CRYBG3: variants seen among roughly 807,000 people sequenced by gnomAD.
CRYBG3 encodes crystallin beta-gamma domain containing 3, also known as very large A-kinase anchor protein.
In CRYBG3, 127 loss-of-function variants were observed where a neutral mutation model predicts 244.2. The observed-to-expected ratio is 0.52, with a 90% confidence interval of 0.45 to 0.60. The LOEUF (loss-of-function observed/expected upper bound fraction) is 0.60, where lower values mean the gene tolerates loss of function less well. Among genes scored for constraint, CRYBG3 ranks in the 20% least tolerant of loss-of-function variants. The pLI is 0.00. For missense variants in CRYBG3, 3,325 were observed against 3,442.5 expected, an observed-to-expected ratio of 0.97 and a Z score of 0.85; for synonymous variants, 1,132 against 1,195.8, an observed-to-expected ratio of 0.95 and a Z score of 1.10.
At chr3:97,841,788 G>T (rs180696636) in intron 1 of CRYBG3, among the ~76,000 whole-genome samples, 244 of 152,144 alleles carry the variant, frequency 1.6e-3, no homozygotes, top group African/African-American at 5.4e-3. Flanking sequence ...TTCATAACGG[G>T]TCAGCCCTGG....
In CRYBG3 at chr3:97,872,395, G is replaced by C; in HGVS notation, c.1201G>C (p.Val401Leu). ...KVPCSPDFQR[V>L]TTTENTIKEN... ...CCCTTGCAGCCCAGATTTTCAGAGAGTAACTACAACAGAAAATACGATAAA... is the reference window on the plus strand; with the variant it reads ...CCCTTGCAGCCCAGATTTTCAGAGACTAACTACAACAGAAAATACGATAAA... Residue 401 changes from valine to leucine, a missense_variant, in exon 4 of 22, where the codon GTA becomes CTA. Physicochemically the swap from Val to Leu is conservative, Grantham distance 32. Around this residue, in one of 4 missense-constraint regions of CRYBG3, gnomAD observed 1,526 missense variants for 1,443.2 expected, o/e 1.06. Coordinates refer to ENST00000389622, the MANE Select transcript of CRYBG3 (RefSeq NM_153605.4). 6.5e-7 allele frequency: 1 copy of C among 1,535,844 alleles called. No individual in the cohort carries two copies. The highest frequency in any genetic ancestry group is 8.7e-7 in the Non-Finnish European group (1 of 1,146,762).
rs1322272101 is a variant in CRYBG3 at position 97,833,155 on chromosome 3, C to T, written c.150-10040C>T. ...TTAACCATTGTGGAAGACAGTGTGG[C>T]GATTCCTCAAGGACCTAGAACTGGA... On this transcript the variant is annotated intron_variant, in intron 1 of 21. Transcript: ENST00000389622. 8.6e-5 allele frequency among the ~76,000 whole-genome samples: 13 copies of T among 152,040 alleles called. 1 individual carries two copies. Among genetic ancestry groups the T allele is most frequent in the Non-Finnish European group, 1.9e-4 (13 of 67,994 alleles).
chr3:97,943,524 A>AATATT lies in CRYBG3; in HGVS notation c.*213_*217dup. ...CATTACTCAGTGTTCCTATAAAGAA[A>AATATT]ATATTATGATATCTTGGAAAGGTTC... is the stretch of plus-strand genomic sequence containing the variant. On this transcript the variant is annotated 3_prime_UTR_variant, in exon 22 of 22. Coordinates refer to ENST00000389622, the MANE Select transcript of CRYBG3 (RefSeq NM_153605.4). The AATATT allele has an allele frequency of 2.0e-6, 1 of 509,640 alleles. No homozygotes were observed. The highest frequency in any genetic ancestry group is 3.4e-6 in the Non-Finnish European group (1 of 293,544). 31.6% of individuals were successfully genotyped at this position (509,640 alleles called of 1,614,324 possible).
At chr3:97,907,620 A>G (rs2039793911) in intron 15 of CRYBG3, among the ~76,000 whole-genome samples, 4 of 146,622 alleles carry the variant, frequency 2.7e-5, no homozygotes, top group African/African-American at 1.0e-4. Flanking sequence ...TATTGCGTCT[A>G]TTTGATTCTT....
At chr3:97,935,322 C>T (rs1049434728) in intron 18 of CRYBG3, among the ~76,000 whole-genome samples, 5 of 152,006 alleles carry the variant, frequency 3.3e-5, no homozygotes, top group Admixed American at 2.6e-4. Flanking sequence ...GAATCTGCAG[C>T]GGGAGAGGCA....
At position 97,824,697 on chromosome 3, in the gene CRYBG3, C is replaced by A. The variant is rs187097853; in HGVS notation, c.149+2342C>A. 2.6e-5 allele frequency among the ~76,000 whole-genome samples: 4 copies of A among 152,238 alleles called. No homozygotes were observed. The East Asian group carries it at 7.7e-4, about 29-fold the overall frequency. ...ATTAGCATCAACACTATTGTATATC[C>A]CAACTTAGGCGTAGGCACTCAAATT... is the stretch of plus-strand genomic sequence containing the variant. On this transcript the variant is annotated intron_variant, in intron 1 of 21. Transcript: ENST00000389622.
intron 15 of CRYBG3, among the ~76,000 whole-genome samples, chr3:97,906,764 C>CT (rs2039779369): frequency 3.3e-5 from 5 of 151,922 alleles, no homozygotes; most frequent in African/African-American, 1.2e-4. Context: ...TTGCCCTGGC[C>CT]AGAACTTCCA....
At chr3:97,928,842 T>C (rs549793318) in intron 17 of CRYBG3, among the ~76,000 whole-genome samples, 2 of 151,950 alleles carry the variant, frequency 1.3e-5, no homozygotes, top group Admixed American at 6.6e-5. Flanking sequence ...ATTTTAAAGC[T>C]TTTTGGATTT....
chr3:97,873,196 A>T lies in CRYBG3; in HGVS notation c.2002A>T (p.Lys668Ter). 2 of 1,535,962 alleles carry T rather than the reference A, an allele frequency of 1.3e-6. No individual in the cohort carries two copies. Among genetic ancestry groups the T allele is most frequent in the Non-Finnish European group, 1.7e-6 (2 of 1,146,794 alleles). Residue 668 changes from lysine (K) to a stop codon, truncating the protein, a stop_gained, in exon 4 of 22, where the codon AAG becomes TAG. Transcript: ENST00000389622. LOFTEE classifies it high-confidence loss of function. ...TGTTTCTGGAGTTGGGATGCTGAGCAAGTTGGATATTCCTGATTTAATGAA... is the reference window on the plus strand; with the variant it reads ...TGTTTCTGGAGTTGGGATGCTGAGCTAGTTGGATATTCCTGATTTAATGAA... ...TFVSGVGMLS[K>*]LDIPDLMNEG... is the part of the protein sequence containing the mutation.
At chr3:97,888,246 G>A in intron 8 of CRYBG3, 95 bp from the exon 9 acceptor site, 1 of 684,438 alleles carries the variant, frequency 1.5e-6, no homozygotes, top group Non-Finnish European at 2.5e-6. Context: ...CTGTGATGGA[G>A]GATTTTGTTT....
At chr3:97,833,359 T>A (rs1346688885) in intron 1 of CRYBG3, among the ~76,000 whole-genome samples, 15 of 152,134 alleles carry the variant, frequency 9.9e-5, no homozygotes, top group Non-Finnish European at 1.5e-5. Context: ...GTGGCACATA[T>A]ACACCGTGGA....
At chr3:97,929,321 G>A (rs2040073533) in intron 17 of CRYBG3, among the ~76,000 whole-genome samples, 1 of 151,692 alleles carries the variant, frequency 6.6e-6, no homozygotes, top group Admixed American at 6.6e-5. Context: ...GTCATCTTCA[G>A]TTTTAAAGAT....
At chr3:97,917,545 A>G (rs2039941170) in intron 17 of CRYBG3, among the ~76,000 whole-genome samples, 1 of 152,210 alleles carries the variant, frequency 6.6e-6, no homozygotes, top group South Asian at 2.1e-4. Flanking sequence ...ATATCCTACA[A>G]AGATCTGCAA....
rs780069838 is a variant in CRYBG3 at position 97,881,110 on chromosome 3, A to G, written c.7043A>G (p.Lys2348Arg). ...LYEKPHFRGQKCVLEEGEKVL... is the reference protein window; with the variant it reads ...LYEKPHFRGQRCVLEEGEKVL... ...GAGAAACCACATTTCCGAGGTCAGA[A>G]ATGTGTGCTAGAAGAAGGGGAAAAG... is the stretch of plus-strand genomic sequence containing the variant. Residue 2348 changes from lysine to arginine, a missense_variant, in exon 7 of 22, where the codon AAA becomes AGA. By Grantham distance (26) the Lys-to-Arg change is conservative. Coordinates refer to ENST00000389622, the MANE Select transcript of CRYBG3 (RefSeq NM_153605.4). The G allele has an allele frequency of 5.0e-6, 8 of 1,607,912 alleles. No homozygotes were observed. In the South Asian group the frequency reaches 9.0e-5, roughly 18 times the overall value.
intron 12 of CRYBG3, among the ~76,000 whole-genome samples, chr3:97,896,830 A>C (rs2039645805): frequency 6.6e-6 from 1 of 152,192 alleles, no homozygotes; most frequent in Non-Finnish European, 1.5e-5. Context: ...CACGGTCCCC[A>C]GTATTAATAG....
intron 6 of CRYBG3, among the ~76,000 whole-genome samples, chr3:97,880,724 G>A (rs1293780459): frequency 6.6e-6 from 1 of 152,184 alleles, no homozygotes; most frequent in African/African-American, 2.4e-5. Flanking sequence ...AAGAAAATTA[G>A]AAGTATAATT....
At position 97,871,957 on chromosome 3, in the gene CRYBG3, G is replaced by A; in HGVS notation, c.763G>A (p.Asp255Asn). Residue 255 changes from aspartate (D) to asparagine (N), a missense_variant, in exon 4 of 22, where the codon GAC becomes AAC. Physicochemically the swap from Asp to Asn is conservative, Grantham distance 23. Transcript: ENST00000389622. ...AGGCTTGGCAACTGTGAATACCTTG[G>A]ACAGAGAAAATGAAAGTTCTGACTC... ...QTGLATVNTLDRENESSDSST... is the reference protein window; with the variant it reads ...QTGLATVNTLNRENESSDSST... 1.3e-6 allele frequency: 2 copies of A among 1,535,852 alleles called. No homozygotes were observed. Among genetic ancestry groups the A allele is most frequent in the Non-Finnish European group, 1.7e-6 (2 of 1,146,738 alleles).
intron 1 of CRYBG3, among the ~76,000 whole-genome samples, chr3:97,825,737 G>C (rs142428584): frequency 6.6e-6 from 1 of 152,266 alleles, no homozygotes; most frequent in Non-Finnish European, 1.5e-5. Context: ...AGTGGAGAGT[G>C]ATTACCCTAA....
At chr3:97,902,410 C>T (rs1318023381) in intron 15 of CRYBG3, among the ~76,000 whole-genome samples, 1 of 151,720 alleles carries the variant, frequency 6.6e-6, no homozygotes, top group Non-Finnish European at 1.5e-5. Context: ...TGGAACATCA[C>T]TTTTTATTTT....
Sources: allele counts gnomAD v4.1 joint callset (sites outside exome capture counted in the v4.1 genomes callset), GRCh38; gene constraint gnomAD v4.1.1; regional missense constraint gnomAD v4.1.1; transcripts MANE v1.5; gene names NCBI Gene and HGNC (gene_info 2026-07-23, HGNC 2026-07-21).